The following LIX1 variants were observed in gnomAD, a reference collection of about 807,000 sequenced individuals.
LIX1 encodes the protein limb and CNS expressed 1, also known as protein limb expression 1 homolog.
In LIX1, 24 loss-of-function variants were observed where a neutral mutation model predicts 33.4. The observed-to-expected ratio is 0.72, with a 90% CI of 0.52 to 1.01. The LOEUF (loss-of-function observed/expected upper bound fraction) is 1.01, where lower values mean the gene tolerates loss of function less well. LIX1 is among the 50% of genes least tolerant of loss of function. The pLI, the probability that LIX1 is intolerant of heterozygous loss-of-function variation, is 0.00. For missense variants in LIX1, 311 were observed against 339.2 expected, an observed-to-expected ratio of 0.92 and a Z score of 0.65; for synonymous variants, 124 against 124.0, an observed-to-expected ratio of 1.00 and a Z score of 0.00.
intron 4 of LIX1, among the ~76,000 whole-genome samples, chr5:97,097,250 T>A (rs1746428657): frequency 1.3e-5 from 2 of 152,232 alleles, no homozygotes; most frequent in African/African-American, 4.8e-5. Context: ...TATCATTTTT[T>A]AAAATTGCTC....
At chr5:97,139,506 G>A (rs1322501459) in intron 1 of LIX1, among the ~76,000 whole-genome samples, 1 of 152,216 alleles carries the variant, frequency 6.6e-6, no homozygotes, top group Non-Finnish European at 1.5e-5. Flanking sequence ...AGTGGACAGG[G>A]GCTGCTTTTA....
intron 1 of LIX1, among the ~76,000 whole-genome samples, chr5:97,135,479 A>G (rs999918403): frequency 2.6e-5 from 4 of 152,228 alleles, no homozygotes; most frequent in Non-Finnish European, 4.4e-5. Context: ...CAGAAAGTAC[A>G]TATCTTTCTC....
chr5:97,100,559 A>T lies in LIX1; in HGVS notation c.484-3672T>A, dbSNP rs142744417. 5.3e-5 allele frequency among the ~76,000 whole-genome samples: 8 copies of T among 152,226 alleles called. No homozygotes were observed. The East Asian group carries it at 1.5e-3, about 29-fold the overall frequency. On this transcript the variant is annotated intron_variant, in intron 4 of 5. Transcript: ENST00000274382. The stretch of plus-strand genomic sequence containing the variant: ...TCACTTCTTTATTTCCCCTCATAAG[A>T]CCAAATTCACTCTCTTCACATTTTC...
At chr5:97,115,213 T>C (rs891823389) in intron 2 of LIX1, among the ~76,000 whole-genome samples, 1 of 152,226 alleles carries the variant, frequency 6.6e-6, no homozygotes, top group Admixed American at 6.5e-5. Flanking sequence ...GTTAACTATT[T>C]AGCATTAACT....
At chr5:97,123,615 C>T (rs1747839628) in intron 2 of LIX1, among the ~76,000 whole-genome samples, 3 of 152,214 alleles carry the variant, frequency 2.0e-5, no homozygotes, top group African/African-American at 7.2e-5. Context: ...AGTAATCTTT[C>T]TGAAGTACAT....
intron 2 of LIX1, among the ~76,000 whole-genome samples, chr5:97,118,121 A>G (rs942619366): frequency 8.5e-5 from 13 of 152,218 alleles, no homozygotes; most frequent in Non-Finnish European, 1.6e-4. Flanking sequence ...TGAGTGTCTC[A>G]CATTCCAAAT....
At chr5:97,137,057 A>G (rs1157518462) in intron 1 of LIX1, 1 of 428,948 alleles carries the variant, frequency 2.3e-6, no homozygotes, top group African/African-American at 2.0e-5. Flanking sequence ...GCACATAATC[A>G]GTAAAACCGT....
At chr5:97,125,830 T>C (rs61062586) in intron 1 of LIX1, among the ~76,000 whole-genome samples, 1,701 of 152,282 alleles carry the variant, frequency 0.011, 24 homozygotes, top group African/African-American at 0.039. Context: ...TTAGGGACAA[T>C]GAATGTGTTG....
At chr5:97,121,208 T>G (rs1747777376) in intron 2 of LIX1, among the ~76,000 whole-genome samples, 1 of 152,180 alleles carries the variant, frequency 6.6e-6, no homozygotes. Context: ...AAAAAGTCCC[T>G]TGATCTACCT....
intron 2 of LIX1, among the ~76,000 whole-genome samples, chr5:97,120,802 G>A (rs1291099754): frequency 6.6e-6 from 1 of 152,120 alleles, no homozygotes; most frequent in African/African-American, 2.4e-5. Context: ...AAGTAACAGG[G>A]AGCCATTGAA....
rs754574982 is a variant in LIX1 at position 97,094,879 on chromosome 5, G to A, written c.718C>T (p.Gln240Ter). ...TTTTCTTTGTAAAACCGTAGTTCTT[G>A]TCCTGCTTTCCTGGCTTCCTCCAAC... is the stretch of plus-strand genomic sequence containing the variant. ...RQLEEARKAG[Q>*]ELRFYKEKKE... The change falls in exon 6 of 6, where the codon CAA becomes TAA. Residue 240 changes from glutamine (Q) to a stop codon, truncating the protein, a stop_gained. Transcript: ENST00000274382. LOFTEE classifies it high-confidence loss of function. 2 of 1,614,064 alleles carry A rather than the reference G, an allele frequency of 1.2e-6. No individual in the cohort carries two copies. The highest frequency in any genetic ancestry group is 2.7e-5 in the African/African-American group (2 of 74,918).
intron 2 of LIX1, among the ~76,000 whole-genome samples, chr5:97,113,991 A>T (rs1010012081): frequency 6.6e-6 from 1 of 152,132 alleles, no homozygotes; most frequent in African/African-American, 2.4e-5. Context: ...TCTCCTTTGG[A>T]TGCTTTCCTG....
chr5:97,125,353 T>C (rs1747890350), intron 1 of LIX1, among the ~76,000 whole-genome samples: 1 of 152,212 alleles, frequency 6.6e-6, no homozygotes, highest in Non-Finnish European at 1.5e-5. Flanking sequence ...GTACTGCAAA[T>C]TAAATTGTAG....
intron 1 of LIX1, among the ~76,000 whole-genome samples, chr5:97,126,128 A>T (rs1310797935): frequency 6.6e-6 from 1 of 152,254 alleles, no homozygotes; most frequent in Non-Finnish European, 1.5e-5. Context: ...AAAGTACACT[A>T]AACAGTCAAC....
At position 97,135,882 on chromosome 5, in the gene LIX1, G is replaced by T. The variant is rs564179526; in HGVS notation, c.82+6613C>A. 2.5e-4 allele frequency among the ~76,000 whole-genome samples: 38 copies of T among 152,160 alleles called. 2 individuals carry two copies. The South Asian group carries it at 5.6e-3, about 23-fold the overall frequency. On this transcript the variant is annotated intron_variant, in intron 1 of 5. Coordinates refer to ENST00000274382, the MANE Select transcript of LIX1 (RefSeq NM_153234.5). ...AGACTTTAGAGGACCAATGATTTTA[G>T]ACAACCAATAAAGGATTAGTCATGC...
chr5:97,134,120 C>T (rs551787585), intron 1 of LIX1, among the ~76,000 whole-genome samples: 84 of 151,992 alleles, frequency 5.5e-4, no homozygotes, highest in African/African-American at 2.0e-3. Flanking sequence ...AGATGATTAC[C>T]ATATATATAT....
At chr5:97,100,363 C>T (rs936869455) in intron 4 of LIX1, among the ~76,000 whole-genome samples, 1 of 152,080 alleles carries the variant, frequency 6.6e-6, no homozygotes, top group African/African-American at 2.4e-5. Flanking sequence ...TCTCCAGTAA[C>T]ACAACTGCCA....
At chr5:97,138,009 A>G (rs1402846156) in intron 1 of LIX1, among the ~76,000 whole-genome samples, 3 of 152,194 alleles carry the variant, frequency 2.0e-5, no homozygotes, top group Non-Finnish European at 4.4e-5. Flanking sequence ...GTTTTTCCAA[A>G]GGGCAAAAAA....
At chr5:97,113,468 C>G (rs1475110153) in intron 2 of LIX1, among the ~76,000 whole-genome samples, 1 of 152,190 alleles carries the variant, frequency 6.6e-6, no homozygotes, top group Admixed American at 6.5e-5. Flanking sequence ...GCACTATGTG[C>G]TTGGTACTAT....
Sources: gnomAD v4.1 joint callset for allele counts (sites outside exome capture counted in the v4.1 genomes callset) on GRCh38, gnomAD v4.1.1 for gene constraint, MANE v1.5 for transcripts, NCBI Gene and HGNC (gene_info 2026-07-23, HGNC 2026-07-21) for gene names.